The following TRPV3 variants were observed in gnomAD, a reference collection of about 807,000 sequenced individuals.
The protein encoded by TRPV3 is VRL-3.
TRPV3 carries 88 observed loss-of-function variants against 87.1 expected under a neutral mutation model. The observed-to-expected ratio is 1.01, with a 90% confidence interval of 0.85 to 1.21. The LOEUF is 1.21. Ranked by LOEUF, TRPV3 falls within the 50% of genes most tolerant of loss-of-function variation. The pLI is 0.00. For missense variants in TRPV3, 1,054 were observed against 1,030.1 expected (o/e 1.02, Z -0.32); for synonymous variants, 438 against 423.3 (o/e 1.03, Z -0.43).
chr17:3,527,072 G>T, intron 11 of TRPV3, 145 bp from the exon 12 acceptor site: 1 of 662,270 alleles, frequency 1.5e-6, no homozygotes, highest in Admixed American at 2.5e-5. Flanking sequence ...GGATCTGAAA[G>T]GGGACCTGTG....
At chr17:3,521,855 C>T (rs907604794) in intron 13 of TRPV3, among the ~76,000 whole-genome samples, 1 of 152,148 alleles carries the variant, frequency 6.6e-6, no homozygotes, top group Non-Finnish European at 1.5e-5. Context: ...GTGGGTGGAT[C>T]GCCTGAGGTC....
At position 3,528,092 on chromosome 17, in the gene TRPV3, A is replaced by G; in HGVS notation, c.1436T>C (p.Met479Thr). ...IPHPLALTHK[M>T]GWLQLLGRMF... Reference sequence around the variant, plus strand: ...CCTCCCTAGGAGCTGCAGCCACCCCATCTTGTGCGTCAGGGCCAAGGGGTG... The same window carrying G: ...CCTCCCTAGGAGCTGCAGCCACCCCGTCTTGTGCGTCAGGGCCAAGGGGTG... The change falls in exon 11 of 18, where the codon ATG (methionine) becomes ACG (threonine). Residue 479 changes from methionine (M) to threonine (T), a missense_variant. By Grantham distance (81) the Met-to-Thr change is moderately conservative. Coordinates refer to ENST00000576742, the MANE Select transcript of TRPV3 (RefSeq NM_145068.4). This position sits in a 1 kb window ranked among gnomAD's most constrained non-coding sequence, Gnocchi z 4.2. The G allele has an allele frequency of 6.2e-7, 1 of 1,613,610 alleles. No individual in the cohort carries two copies. The highest frequency in any genetic ancestry group is 8.5e-7 in the Non-Finnish European group (1 of 1,179,878).
rs758181593 is a variant in TRPV3, at chr17:3,532,795, G to A, written c.927C>T (p.Asp309=). The A allele has an allele frequency of 6.2e-7, 1 of 1,614,250 alleles. No individual in the cohort carries two copies. Among genetic ancestry groups the A allele is most frequent in the East Asian group, 2.2e-5 (1 of 44,894 alleles). Residue 309 remains aspartate, a synonymous_variant, in exon 8 of 18, where the codon GAC becomes GAT. Coordinates refer to ENST00000576742, the MANE Select transcript of TRPV3 (RefSeq NM_145068.4). The part of the protein sequence containing the change: ...ILHALVTVAE[D]FKTQNDFVKR... ...TCACAAAGTCATTCTGCGTCTTGAA[G>A]TCCTCGGCCACGGTCACCAGGGCGT...
At chr17:3,536,418 G>T (rs116737882) in intron 6 of TRPV3, among the ~76,000 whole-genome samples, 1 of 152,132 alleles carries the variant, frequency 6.6e-6, no homozygotes, top group Non-Finnish European at 1.5e-5. Context: ...GTGAAACATG[G>T]TCTGTACTAA....
intron 12 of TRPV3, among the ~76,000 whole-genome samples, chr17:3,525,031 G>T (rs4790144): frequency 3.0e-4 from 46 of 152,120 alleles, no homozygotes; most frequent in African/African-American, 6.0e-4. Context: ...GGGGGGTCAG[G>T]GGGGCAGAGA....
chr17:3,545,989 CAAAAAAA>C (rs376341464), intron 2 of TRPV3, among the ~76,000 whole-genome samples: 2 of 113,900 alleles, frequency 1.8e-5, no homozygotes, highest in Non-Finnish European at 1.8e-5. Flanking sequence ...GACTCCGTCT[CAAAAAAA>C]AAAAAAAAAA....
rs767689111 is a variant in TRPV3, at chr17:3,542,623, G to C, written c.542C>G (p.Pro181Arg). ...GATCCGCACTATCTCCTTGGTGTTG[G>C]GGTTGATGTTTAACAAGGCCTTCAT... Reference protein sequence around the residue: ...CLMKALLNINPNTKEIVRILL... With the variant: ...CLMKALLNINRNTKEIVRILL... Residue 181 changes from proline (P) to arginine (R), a missense_variant, in exon 6 of 18, where the codon CCC becomes CGC. Pro to Arg is a moderately radical substitution (Grantham distance 103, BLOSUM62 -2). Coordinates refer to ENST00000576742, the MANE Select transcript of TRPV3 (RefSeq NM_145068.4). 5 of 1,613,980 alleles carry C rather than the reference G, an allele frequency of 3.1e-6. No homozygotes were observed. In the Admixed American group the frequency reaches 8.3e-5, roughly 27 times the overall value.
At chr17:3,546,813 AC>A in intron 2 of TRPV3, 1 of 364,046 alleles carries the variant, frequency 2.7e-6, no homozygotes, top group Non-Finnish European at 5.7e-6. Context: ...TACTAAACAT[AC>A]AAAATTAGCT....
Position 3,535,603 on chromosome 17 carries a change from G to GGTTGAAGAA in TRPV3, c.745_753dup (p.Phe249_Asn251dup), listed in dbSNP as rs772505887. The stretch of plus-strand genomic sequence containing the variant: ...TAGAAGCCTTCGTGTTGGTACTTGG[G>GGTTGAAGAA]GTTGAAGAAGGCCCCCTTGGCGTGC... On this transcript the variant is annotated inframe_insertion, in exon 7 of 18. Transcript: ENST00000576742. The GGTTGAAGAA allele has an allele frequency of 7.0e-5, 113 of 1,609,612 alleles. 1 individual carries two copies. Among genetic ancestry groups the GGTTGAAGAA allele is most frequent in the Non-Finnish European group, 3.1e-5 (36 of 1,178,638 alleles).
intron 15 of TRPV3, among the ~76,000 whole-genome samples, chr17:3,517,913 G>T (rs923270373): frequency 6.6e-6 from 1 of 151,674 alleles, no homozygotes; most frequent in Non-Finnish European, 1.5e-5. Context: ...CCACCTCCTG[G>T]GTTCAAGCGA....
chr17:3,529,199 C>A (rs1054437405), intron 9 of TRPV3, among the ~76,000 whole-genome samples: 3 of 152,042 alleles, frequency 2.0e-5, no homozygotes, highest in Non-Finnish European at 2.9e-5. Flanking sequence ...AGTCAGAGGC[C>A]GCAGGAGCCC....
At chr17:3,535,830 G>A in intron 6 of TRPV3, 117 bp from the exon 7 acceptor site, 1 of 1,189,544 alleles carries the variant, frequency 8.4e-7, no homozygotes, top group Non-Finnish European at 1.1e-6. Context: ...ACCCTGGTCT[G>A]TGTCGCCAGC....
rs1215155065 is a variant in TRPV3 at position 3,512,521 on chromosome 17, A to G, written c.*1396T>C. 6.6e-6 allele frequency: 1 copy of G among 152,168 alleles called. No individual in the cohort carries two copies. The highest frequency in any genetic ancestry group is 1.5e-5 in the Non-Finnish European group (1 of 68,038). The allele number at this position is 152,168 out of a possible 1,614,324, so 9.4% of individuals were successfully genotyped here. A position where few individuals can be genotyped will look rare whatever the true frequency, so the allele number is the denominator to read the frequency against. The stretch of plus-strand genomic sequence containing the variant: ...CATGTTATCTGAAGGCCAAATTTCT[A>G]TTTCTGCCATTTAAGATTAACATTT... On this transcript the variant is annotated 3_prime_UTR_variant, in exon 18 of 18. Coordinates refer to ENST00000576742, the MANE Select transcript of TRPV3 (RefSeq NM_145068.4).
In TRPV3 at chr17:3,530,353, G is replaced by GC; in HGVS notation, c.1066-151dup. 1.4e-6 allele frequency: 1 copy of GC among 696,614 alleles called. No individual in the cohort carries two copies. Among genetic ancestry groups the GC allele is most frequent in the Non-Finnish European group, 2.3e-6 (1 of 433,936 alleles). The allele number at this position is 696,614 out of a possible 1,614,324, so 43.2% of individuals were successfully genotyped here. A position where few individuals can be genotyped will look rare whatever the true frequency, so the allele number is the denominator to read the frequency against. On this transcript the variant is annotated intron_variant, in intron 8 of 17. Transcript: ENST00000576742. This position sits in a 1 kb window ranked among gnomAD's most constrained non-coding sequence, Gnocchi z 4.0. ...CTGCGCCTGGCGCCATGGCCCCTGG[G>GC]CCCCGTCTTTATCTGTGGAATGCGC...
Position 3,545,210 on chromosome 17 carries a change from G to T in TRPV3, c.181C>A (p.Pro61Thr). The T allele has an allele frequency of 6.2e-7, 1 of 1,614,034 alleles. No homozygotes were observed. Among genetic ancestry groups the T allele is most frequent in the Non-Finnish European group, 8.5e-7 (1 of 1,179,956 alleles). ...EPNPTVAKTSPPVFSKPMDSN... is the reference protein window; with the variant it reads ...EPNPTVAKTSTPVFSKPMDSN... ...TCCATGGGCTTGGAGAAGACAGGAG[G>T]AGAGGTCTTGGCAACTGTGGGGTTG... Residue 61 changes from proline to threonine, a missense_variant, in exon 3 of 18, where the codon CCT (proline) becomes ACT (threonine). Pro to Thr is a conservative substitution (Grantham distance 38, BLOSUM62 -1). Transcript: ENST00000576742.
chr17:3,518,794 CGTAGGAGCTGCA>C lies in TRPV3; in HGVS notation c.1855_1866del (p.Cys619_Tyr622del). ...TCCAGCACTGCGTCGCTGAAGCTGC[CGTAGGAGCTGCA>C]GTCCTTGTTGTCTTTGGGACACTTC... On this transcript the variant is annotated inframe_deletion, in exon 15 of 18. Transcript: ENST00000576742. The surrounding 1 kb of genome is among the most constrained non-coding windows in gnomAD (Gnocchi z 4.3). The C allele has an allele frequency of 6.2e-7, 1 of 1,614,120 alleles. No homozygotes were observed. Among genetic ancestry groups the C allele is most frequent in the South Asian group, 1.1e-5 (1 of 91,066 alleles).
At chr17:3,552,927 C>T (rs994462192) in intron 2 of TRPV3, 3 of 152,564 alleles carry the variant, frequency 2.0e-5, no homozygotes, top group African/African-American at 7.2e-5. Flanking sequence ...GCCCCCATGA[C>T]CCCACACGAC....
intron 2 of TRPV3, among the ~76,000 whole-genome samples, chr17:3,550,241 A>C (rs2074561222): frequency 6.6e-6 from 1 of 152,116 alleles, no homozygotes; most frequent in Non-Finnish European, 1.5e-5. Flanking sequence ...TCCCCTTCCC[A>C]ATCTCTCATA....
chr17:3,518,231 G>A lies in TRPV3; in HGVS notation c.2085+345C>T, dbSNP rs1306917682. ...CAGCATGTAAGAAGTGTTCAGGCCA[G>A]GATAGAATAGAGCAGAACTGTCACC... is the stretch of plus-strand genomic sequence containing the variant. On this transcript the variant is annotated intron_variant, in intron 15 of 17. Transcript: ENST00000576742. This position sits in a 1 kb window ranked among gnomAD's most constrained non-coding sequence, Gnocchi z 4.3. Among the ~76,000 whole-genome samples the A allele has an allele frequency of 6.6e-6, 1 of 152,162 alleles. No homozygotes were observed. The highest frequency in any genetic ancestry group is 1.5e-5 in the Non-Finnish European group (1 of 68,036).
Sources: allele counts gnomAD v4.1 joint callset (sites outside exome capture counted in the v4.1 genomes callset), GRCh38; gene constraint gnomAD v4.1.1; non-coding constraint Gnocchi (gnomAD v3.1); transcripts MANE v1.5; gene names NCBI Gene and HGNC (gene_info 2026-07-23, HGNC 2026-07-21).